GLP2R: variants seen among roughly 807,000 people sequenced by gnomAD.
GLP2R encodes glucagon like peptide 2 receptor.
GLP2R carries 59 observed loss-of-function variants against 68.2 expected under a neutral mutation model. The observed-to-expected ratio is 0.87, with a 90% CI of 0.70 to 1.07. The LOEUF is 1.07. Among genes scored for constraint, GLP2R ranks in the 50% least tolerant of loss-of-function variants. GLP2R has a pLI of 0.00. For missense variants in GLP2R, 548 were observed against 677.4 expected (o/e 0.81, Z 2.12); for synonymous variants, 270 against 265.4 (o/e 1.02, Z -0.17).
chr17:9,849,674 G>A (rs1286536209), intron 4 of GLP2R, among the ~76,000 whole-genome samples: 4 of 142,222 alleles, frequency 2.8e-5, no homozygotes, highest in East Asian at 4.3e-4. Context: ...GTGCAGTGGC[G>A]TGATCTCGGC....
intron 10 of GLP2R, 60 bp from the exon 11 acceptor site, chr17:9,880,318 A>T: frequency 9.1e-7 from 1 of 1,104,958 alleles, no homozygotes; most frequent in South Asian, 1.5e-5. Context: ...ATGGAAGAGC[A>T]GGAAATGTTG....
intron 4 of GLP2R, among the ~76,000 whole-genome samples, chr17:9,850,395 A>G (rs1364768143): frequency 6.6e-6 from 1 of 152,174 alleles, no homozygotes; most frequent in Admixed American, 6.5e-5. Context: ...TTAACTTCTT[A>G]CCACAAGTGC....
At chr17:9,865,394 T>C (rs776443495) in intron 9 of GLP2R, among the ~76,000 whole-genome samples, 20 of 152,126 alleles carry the variant, frequency 1.3e-4, no homozygotes, top group Non-Finnish European at 2.9e-4. Flanking sequence ...CCCCTGACAA[T>C]CCATCCTCTT....
Position 9,891,539 on chromosome 17 carries a change from A to G in GLP2R, c.*1834A>G, listed in dbSNP as rs1439985846. 6.6e-6 allele frequency: 1 copy of G among 152,080 alleles called. No individual in the cohort carries two copies. The highest frequency in any genetic ancestry group is 6.6e-5 in the Admixed American group (1 of 15,266). 9.4% of individuals were successfully genotyped at this position (152,080 alleles called of 1,614,324 possible). The stretch of plus-strand genomic sequence containing the variant: ...TGAGGGACTTTTAATGTGAATTTTT[A>G]TTTTTAGACAATTGCATTAAAATGT... On this transcript the variant is annotated 3_prime_UTR_variant, in exon 13 of 13. Transcript: ENST00000262441.
chr17:9,851,180 T>C (rs2066888509), intron 4 of GLP2R, among the ~76,000 whole-genome samples: 2 of 152,210 alleles, frequency 1.3e-5, no homozygotes, highest in South Asian at 4.1e-4. Flanking sequence ...AGTTAGGTTA[T>C]TTAATTAAAT....
In GLP2R at chr17:9,859,990, G is replaced by A. The variant is rs151178828; in HGVS notation, c.814G>A (p.Gly272Ser). ...SVQVLLHYFV[G>S]ANYLWLLVEG... ...CCAGGTTCTCTTGCATTACTTTGTGGGTGCCAATTACTTATGGCTGCTGGT... is the reference window on the plus strand; with the variant it reads ...CCAGGTTCTCTTGCATTACTTTGTGAGTGCCAATTACTTATGGCTGCTGGT... Residue 272 changes from glycine (G) to serine (S), a missense_variant, in exon 7 of 13, where the codon GGT becomes AGT. Transcript: ENST00000262441. 35 of 1,613,104 alleles carry A rather than the reference G, an allele frequency of 2.2e-5. No homozygotes were observed. The African/African-American group carries it at 4.3e-4, about 20-fold the overall frequency.
intron 4 of GLP2R, among the ~76,000 whole-genome samples, chr17:9,848,971 C>T (rs1909895): frequency 0.7 from 106,528 of 151,142 alleles, 39,306 homozygotes; most frequent in East Asian, 0.97. Context: ...AAATAAATTA[C>T]TATGCCTTAC....
At chr17:9,870,402 T>C (rs1466787183) in intron 9 of GLP2R, among the ~76,000 whole-genome samples, 3 of 152,180 alleles carry the variant, frequency 2.0e-5, no homozygotes, top group African/African-American at 4.8e-5. Context: ...ATAGTAATAA[T>C]AATAATGTGA....
At chr17:9,861,014 C>G (rs1428504744) in intron 7 of GLP2R, 125 bp from the exon 8 acceptor site, 3 of 734,554 alleles carry the variant, frequency 4.1e-6, no homozygotes, top group African/African-American at 3.4e-5. Flanking sequence ...CTCTCACAGT[C>G]CACAACTCCA....
chr17:9,834,043 T>C, intron 2 of GLP2R, 149 bp downstream of exon 2: 1 of 698,380 alleles, frequency 1.4e-6, no homozygotes, highest in East Asian at 2.7e-5. Context: ...TTGTTTCCGC[T>C]CTGTAATGTC....
At chr17:9,861,868 T>C (rs1356750164) in intron 8 of GLP2R, among the ~76,000 whole-genome samples, 153 bp from the exon 9 acceptor site, 1 of 152,210 alleles carries the variant, frequency 6.6e-6, no homozygotes, top group Non-Finnish European at 1.5e-5. Context: ...GGATTTGGGT[T>C]CTCTCTTCTG....
chr17:9,845,332 A>G (rs931073038), intron 4 of GLP2R, among the ~76,000 whole-genome samples: 5 of 152,202 alleles, frequency 3.3e-5, no homozygotes, highest in African/African-American at 1.2e-4. Context: ...ATATTATCCC[A>G]TTAAATGTTA....
intron 4 of GLP2R, among the ~76,000 whole-genome samples, chr17:9,846,572 T>C (rs28438844): frequency 0.091 from 13,892 of 152,260 alleles, 689 homozygotes; most frequent in Middle Eastern, 0.16. Flanking sequence ...TGAGCTACGA[T>C]TGTGCCACTG....
rs778163715 is a variant in GLP2R at position 9,862,028 on chromosome 17, A to G, written c.994A>G (p.Thr332Ala). 11 of 1,612,002 alleles carry G rather than the reference A, an allele frequency of 6.8e-6. No homozygotes were observed. The highest frequency in any genetic ancestry group is 7.6e-6 in the Non-Finnish European group (9 of 1,178,036). The change falls in exon 9 of 13, where the codon ACA becomes GCA. Residue 332 changes from threonine (T) to alanine (A), a missense_variant. Coordinates refer to ENST00000262441, the MANE Select transcript of GLP2R (RefSeq NM_004246.3). The part of the protein sequence containing the change: ...RAHLENTGCW[T>A]TNGNKKIWWI... ...TTCTACTGTTGACCTTAGGTGCTGGACAACAAATGGGAATAAGAAAATCTG... is the reference window on the plus strand; with the variant it reads ...TTCTACTGTTGACCTTAGGTGCTGGGCAACAAATGGGAATAAGAAAATCTG...
At chr17:9,884,300 T>G (rs1318670461) in intron 11 of GLP2R, among the ~76,000 whole-genome samples, 1 of 152,200 alleles carries the variant, frequency 6.6e-6, no homozygotes, top group Non-Finnish European at 1.5e-5. Context: ...TGGAATAATT[T>G]CAGCCTCATG....
chr17:9,871,541 T>A (rs999927569), intron 10 of GLP2R, among the ~76,000 whole-genome samples: 1 of 152,046 alleles, frequency 6.6e-6, no homozygotes, highest in African/African-American at 2.4e-5. Flanking sequence ...AGGCATCCTT[T>A]AATTGTGACT....
At position 9,842,546 on chromosome 17, in the gene GLP2R, C is replaced by A. The variant is rs751402894; in HGVS notation, c.434C>A (p.Thr145Lys). 4 of 1,614,070 alleles carry A rather than the reference C, an allele frequency of 2.5e-6. No individual in the cohort carries two copies. The East Asian group carries it at 6.7e-5, about 27-fold the overall frequency. ...TGCTTGGCTCAGGGGACTTGGCAGACGATAGAGAACGCCACGGATATTTGG... is the reference window on the plus strand; with the variant it reads ...TGCTTGGCTCAGGGGACTTGGCAGAAGATAGAGAACGCCACGGATATTTGG... ...RHCLAQGTWQ[T>K]IENATDIWQD... Residue 145 changes from threonine to lysine, a missense_variant, in exon 4 of 13, where the codon ACG (threonine) becomes AAG (lysine). Physicochemically the swap from Thr to Lys is moderately conservative, Grantham distance 78. Coordinates refer to ENST00000262441, the MANE Select transcript of GLP2R (RefSeq NM_004246.3).
At chr17:9,875,278 C>T (rs1258831363) in intron 10 of GLP2R, among the ~76,000 whole-genome samples, 1 of 152,182 alleles carries the variant, frequency 6.6e-6, no homozygotes, top group Non-Finnish European at 1.5e-5. Flanking sequence ...AGCTCCTCAG[C>T]TCACAGTGCC....
At chr17:9,853,258 A>T (rs747274112) in intron 4 of GLP2R, 1 of 307,294 alleles carries the variant, frequency 3.3e-6, no homozygotes, top group Non-Finnish European at 6.2e-6. Context: ...AACTGAAAAC[A>T]TAGTTCTGGG....
Sources: allele counts gnomAD v4.1 joint callset (sites outside exome capture counted in the v4.1 genomes callset), GRCh38; gene constraint gnomAD v4.1.1; transcripts MANE v1.5; gene names NCBI Gene and HGNC (gene_info 2026-07-23, HGNC 2026-07-21).